PDP1: variants seen among roughly 807,000 people sequenced by gnomAD.
PDP1 encodes the protein pyruvate dehyrogenase phosphatase catalytic subunit 1.
PDP1 carries 14 observed loss-of-function variants against 37.1 expected under a neutral mutation model. The observed-to-expected ratio is 0.38, with a 90% CI of 0.25 to 0.59. PDP1 has a LOEUF of 0.59. Ranked by LOEUF, PDP1 falls within the 20% of genes least tolerant of loss-of-function variation. PDP1 has a pLI of 0.67. For missense variants in PDP1, 544 were observed against 655.3 expected (o/e 0.83, Z 1.85); for synonymous variants, 251 against 243.3 (o/e 1.03, Z -0.29).
Position 93,923,160 on chromosome 8 carries a change from A to G in PDP1, c.1101A>G (p.Arg367=). 1 of 1,614,172 alleles carries G rather than the reference A, an allele frequency of 6.2e-7. No individual in the cohort carries two copies. Among genetic ancestry groups the G allele is most frequent in the Non-Finnish European group, 8.5e-7 (1 of 1,180,022 alleles). The change falls in exon 2 of 2, where the codon AGA becomes AGG. Residue 367 remains arginine (R), a synonymous_variant. Transcript: ENST00000297598. The surrounding 1 kb of genome is among the most constrained non-coding windows in gnomAD (Gnocchi z 4.3). Reference sequence around the variant, plus strand: ...AATGGAGCATTGACCTTCAAAAGAGAGTGATAGAATCTGGCCCAGACCAGT... The same window carrying G: ...AATGGAGCATTGACCTTCAAAAGAGGGTGATAGAATCTGGCCCAGACCAGT... ...KFKWSIDLQK[R]VIESGPDQLN...
chr8:93,923,768 C>T lies in PDP1; in HGVS notation c.*95C>T, dbSNP rs1180625523. 9.7e-6 allele frequency: 10 copies of T among 1,034,502 alleles called. No homozygotes were observed. The highest frequency in any genetic ancestry group is 6.3e-5 in the African/African-American group (4 of 63,250). 64.1% of individuals were successfully genotyped at this position (1,034,502 alleles called of 1,614,324 possible). On this transcript the variant is annotated 3_prime_UTR_variant, in exon 2 of 2. Coordinates refer to ENST00000297598, the MANE Select transcript of PDP1 (RefSeq NM_018444.4). The surrounding 1 kb of genome is among the most constrained non-coding windows in gnomAD (Gnocchi z 4.3). ...ACTATAATAAACATTTCCAGTTGGTCATTCTAAGCATTTACCCTTTTGATA... is the reference window on the plus strand; with the variant it reads ...ACTATAATAAACATTTCCAGTTGGTTATTCTAAGCATTTACCCTTTTGATA...
intron 1 of PDP1, chr8:93,921,450 C>A: frequency 1.8e-5 from 7 of 392,266 alleles, no homozygotes; most frequent in Non-Finnish European, 2.4e-5. Context: ...TTACTGTAGT[C>A]ATATATGTAT....
intron 1 of PDP1, among the ~76,000 whole-genome samples, chr8:93,920,320 T>C (rs1034605771): frequency 6.6e-6 from 1 of 152,356 alleles, no homozygotes; most frequent in South Asian, 2.1e-4. Flanking sequence ...AAATAATATA[T>C]GGCTGACACA....
chr8:93,917,435 G>C (rs558688833), intron 1 of PDP1, among the ~76,000 whole-genome samples: 1 of 151,934 alleles, frequency 6.6e-6, no homozygotes. Flanking sequence ...GACGCACCCC[G>C]GGTCAGGGCT....
intron 1 of PDP1, 23 bp from the exon 2 acceptor site, chr8:93,921,993 C>T: frequency 6.7e-7 from 1 of 1,497,502 alleles, no homozygotes; most frequent in African/African-American, 1.4e-5. Flanking sequence ...CCTTTGTGTA[C>T]ATCTGTCTAA....
rs1427057288 is a variant in PDP1, at chr8:93,916,946, CAG to C, written c.-175_-174del. 2.3e-6 allele frequency: 1 copy of C among 426,626 alleles called. No individual in the cohort carries two copies. Among genetic ancestry groups the C allele is most frequent in the Non-Finnish European group, 4.6e-6 (1 of 217,924 alleles). 26.4% of individuals were successfully genotyped at this position (426,626 alleles called of 1,614,324 possible). ...GTGGCGGCCCCGCACGGTAGGGGAG[CAG>C]AGTGGGCAGGCCGGGGGTGAGGGCT... On this transcript the variant is annotated 5_prime_UTR_variant, in exon 1 of 2. Coordinates refer to ENST00000297598, the MANE Select transcript of PDP1 (RefSeq NM_018444.4).
Position 93,923,673 on chromosome 8 carries a change from G to A in PDP1, c.1614G>A (p.Ter538=). 2 of 1,609,608 alleles carry A rather than the reference G, an allele frequency of 1.2e-6. No individual in the cohort carries two copies. Among genetic ancestry groups the A allele is most frequent in the Admixed American group, 1.7e-5 (1 of 60,018 alleles). ...TAGGGGCGTATCAAAACCAAGAATA[G>A]TGAGTGGCTCTTTCACTGGCAATTC... The part of the protein sequence containing the change: ...HVVGAYQNQE[*] Residue 538 remains the stop codon, a stop_retained_variant, in exon 2 of 2, where the codon TAG becomes TAA. Coordinates refer to ENST00000297598, the MANE Select transcript of PDP1 (RefSeq NM_018444.4). The surrounding 1 kb of genome is among the most constrained non-coding windows in gnomAD (Gnocchi z 4.3).
At chr8:93,917,909 A>G (rs1342747793) in intron 1 of PDP1, 1 of 1,613,816 alleles carries the variant, frequency 6.2e-7, no homozygotes, top group African/African-American at 1.3e-5. Flanking sequence ...TTGTGATGAC[A>G]GGAGAATGTG....
intron 1 of PDP1, 61 bp from the exon 2 acceptor site, chr8:93,921,955 G>C (rs1810285210): frequency 8.3e-7 from 1 of 1,208,510 alleles, no homozygotes; most frequent in East Asian, 2.3e-5. Context: ...GGCAAAGCTA[G>C]ATTAAGTATC....
At chr8:93,921,968 G>A (rs751680970) in intron 1 of PDP1, 48 bp from the exon 2 acceptor site, 2 of 1,317,440 alleles carry the variant, frequency 1.5e-6, no homozygotes, top group South Asian at 2.8e-5. Flanking sequence ...TAAGTATCCT[G>A]AAATGTAACT....
At position 93,918,683 on chromosome 8, in the gene PDP1, C is replaced by G. The variant is rs111551392; in HGVS notation, c.-45+1604C>G. On this transcript the variant is annotated intron_variant, in intron 1 of 1. Transcript: ENST00000297598. ...CTGCTCTGTTTTACCAACAGTTGTACCTGGATGCTGTTCTTATTGCCTGAT... is the reference window on the plus strand; with the variant it reads ...CTGCTCTGTTTTACCAACAGTTGTAGCTGGATGCTGTTCTTATTGCCTGAT... Among the ~76,000 whole-genome samples, 348 of 152,290 alleles carry G rather than the reference C, an allele frequency of 2.3e-3. 1 individual carries two copies. Among genetic ancestry groups the G allele is most frequent in the African/African-American group, 8.2e-3 (341 of 41,550 alleles).
intron 1 of PDP1, among the ~76,000 whole-genome samples, chr8:93,919,504 C>T (rs546408193): frequency 2.2e-5 from 3 of 136,938 alleles, no homozygotes; most frequent in Non-Finnish European, 3.2e-5. Flanking sequence ...CCTCCCCCCC[C>T]CCGGCAAAAA....
rs781113804 is a variant in PDP1, at chr8:93,922,410, G to T, written c.351G>T (p.Leu117=). 21 of 1,614,032 alleles carry T rather than the reference G, an allele frequency of 1.3e-5. No individual in the cohort carries two copies. In the Admixed American group the frequency reaches 3.5e-4, roughly 27 times the overall value. ...TCCTTGGATTTGACAGCAATCAGCT[G>T]CCTGCAAATGCACCCATTGAGGACC... The part of the protein sequence containing the change: ...SSILGFDSNQ[L]PANAPIEDRR... The change falls in exon 2 of 2, where the codon CTG becomes CTT. Residue 117 remains leucine (L), a synonymous_variant. Coordinates refer to ENST00000297598, the MANE Select transcript of PDP1 (RefSeq NM_018444.4). The surrounding 1 kb of genome is among the most constrained non-coding windows in gnomAD (Gnocchi z 4.0).
Position 93,922,767 on chromosome 8 carries a change from A to C in PDP1, c.708A>C (p.Leu236=). 3 of 1,614,202 alleles carry C rather than the reference A, an allele frequency of 1.9e-6. No individual in the cohort carries two copies. The highest frequency in any genetic ancestry group is 2.5e-6 in the Non-Finnish European group (3 of 1,180,010). The change falls in exon 2 of 2, where the codon CTA becomes CTC. Residue 236 remains leucine (L), a synonymous_variant. Coordinates refer to ENST00000297598, the MANE Select transcript of PDP1 (RefSeq NM_018444.4). The surrounding 1 kb of genome is among the most constrained non-coding windows in gnomAD (Gnocchi z 4.0). ...CTGATATTGATGTTAAGGAGGCTCT[A>C]ATTAATGCCTTCAAGAGGCTTGATA... ...ESTDIDVKEA[L]INAFKRLDND... is the part of the protein sequence containing the mutation.
rs1810338343 is a variant in PDP1 at position 93,923,215 on chromosome 8, C to T, written c.1156C>T (p.Pro386Ser). Residue 386 changes from proline (P) to serine (S), a missense_variant, in exon 2 of 2, where the codon CCT becomes TCT. Physicochemically the swap from Pro to Ser is moderately conservative, Grantham distance 74. Transcript: ENST00000297598. The surrounding 1 kb of genome is among the most constrained non-coding windows in gnomAD (Gnocchi z 4.3). ...LNDNEYTKFI[P>S]PNYHTPPYLT... The stretch of plus-strand genomic sequence containing the variant: ...TGACAATGAATATACCAAGTTTATT[C>T]CTCCTAATTATCACACACCTCCTTA... 6.2e-7 allele frequency: 1 copy of T among 1,614,048 alleles called. No homozygotes were observed.
chr8:93,923,089 C>T lies in PDP1; in HGVS notation c.1030C>T (p.Leu344Phe), dbSNP rs534701211. The T allele has an allele frequency of 6.2e-7, 1 of 1,614,152 alleles. No individual in the cohort carries two copies. ...AKSVVKQDRL[L>F]GLLMPFRAFG... The stretch of plus-strand genomic sequence containing the variant: ...GAGTGTCGTGAAACAGGATCGGCTG[C>T]TTGGCTTGCTGATGCCATTTAGGGC... The change falls in exon 2 of 2, where the codon CTT becomes TTT. Residue 344 changes from leucine to phenylalanine, a missense_variant. Coordinates refer to ENST00000297598, the MANE Select transcript of PDP1 (RefSeq NM_018444.4). This position sits in a 1 kb window ranked among gnomAD's most constrained non-coding sequence, Gnocchi z 4.3.
chr8:93,921,041 C>T (rs1586154174), intron 1 of PDP1: 1 of 981,174 alleles, frequency 1.0e-6, no homozygotes, highest in South Asian at 4.7e-5. Flanking sequence ...ATGTTACTAA[C>T]AAAGCTTTAG....
In PDP1 at chr8:93,922,277, C is replaced by G; in HGVS notation, c.218C>G (p.Ser73Cys). 1 of 1,614,204 alleles carries G rather than the reference C, an allele frequency of 6.2e-7. No homozygotes were observed. Among genetic ancestry groups the G allele is most frequent in the East Asian group, 2.2e-5 (1 of 44,888 alleles). ...WQYTQGRRYA[S>C]TPQKFYLTPP... ...TACACCCAAGGAAGGAGATATGCTT[C>G]CACACCACAGAAATTTTACCTCACA... Residue 73 changes from serine to cysteine, a missense_variant, in exon 2 of 2, where the codon TCC becomes TGC. Around this residue, in one of 5 missense-constraint regions of PDP1, gnomAD observed 342 missense variants for 414.0 expected, o/e 0.83. Transcript: ENST00000297598. This position sits in a 1 kb window ranked among gnomAD's most constrained non-coding sequence, Gnocchi z 4.0.
chr8:93,921,756 C>T (rs933542992), intron 1 of PDP1: 5 of 397,382 alleles, frequency 1.3e-5, no homozygotes, highest in African/African-American at 4.1e-5. Flanking sequence ...GCACAAAGGA[C>T]GACAAAGAAA....
Sources: allele counts gnomAD v4.1 joint callset (sites outside exome capture counted in the v4.1 genomes callset), GRCh38; gene constraint gnomAD v4.1.1; regional missense constraint gnomAD v4.1.1; non-coding constraint Gnocchi (gnomAD v3.1); transcripts MANE v1.5; gene names NCBI Gene and HGNC (gene_info 2026-07-23, HGNC 2026-07-21).